MCMBP: variants seen among roughly 807,000 people sequenced by gnomAD.
MCMBP encodes minichromosome maintenance complex binding protein, also known as mini-chromosome maintenance complex-binding protein.
MCMBP carries 31 observed loss-of-function variants against 81.3 expected under a neutral mutation model. The observed-to-expected ratio is 0.38, with a 90% CI of 0.29 to 0.51. The LOEUF (loss-of-function observed/expected upper bound fraction) is 0.51, where lower values mean the gene tolerates loss of function less well. MCMBP is among the 20% of genes least tolerant of loss of function. The probability of loss-of-function intolerance (pLI) is 0.87; values close to 1 mark genes in which losing one functional copy is unlikely to be tolerated. For missense variants in MCMBP, 645 were observed against 772.1 expected (o/e 0.84, Z 1.95); for synonymous variants, 267 against 275.9 (o/e 0.97, Z 0.32).
chr10:119,832,073 G>A lies in MCMBP; in HGVS notation c.1735C>T (p.Arg579Trp), dbSNP rs756675419. The A allele has an allele frequency of 1.2e-6, 2 of 1,612,802 alleles. No homozygotes were observed. Among genetic ancestry groups the A allele is most frequent in the Non-Finnish European group, 8.5e-7 (1 of 1,179,668 alleles). The change falls in exon 15 of 16, where the codon CGG (arginine) becomes TGG (tryptophan). Residue 579 changes from arginine to tryptophan, a missense_variant. Transcript: ENST00000369077. ...KAVEDDFVEM[R>W]KNDPQSITAD... Reference sequence around the variant, plus strand: ...GTGATGCTCTGAGGGTCGTTCTTCCGCATTTCCACAAAGTCATCTTCAACT... The same window carrying A: ...GTGATGCTCTGAGGGTCGTTCTTCCACATTTCCACAAAGTCATCTTCAACT...
intron 12 of MCMBP, 126 bp from the exon 13 acceptor site, chr10:119,837,155 A>C (rs1852276147): frequency 6.4e-6 from 6 of 936,210 alleles, no homozygotes; most frequent in Non-Finnish European, 9.4e-6. Context: ...GGCGCTGTCC[A>C]GTTTACTAAG....
At chr10:119,872,916 G>A (rs148146239), upstream of MCMBP, 1,786 of 152,160 alleles carry the variant, frequency 0.012, 32 homozygotes, top group African/African-American at 0.041. Context: ...GGCGGCGGGA[G>A]CGCGCGGCGC....
intron 1 of MCMBP, among the ~76,000 whole-genome samples, chr10:119,861,293 A>C (rs746325872): frequency 3.9e-5 from 6 of 152,138 alleles, no homozygotes; most frequent in Non-Finnish European, 5.9e-5. Context: ...AGGTGATACT[A>C]ATGTGTAGGC....
In MCMBP at chr10:119,836,888, C is replaced by T; in HGVS notation, c.1542+8G>A. On this transcript the variant is annotated splice_region_variant and intron_variant, in intron 13 of 15. Transcript: ENST00000369077. ...AACCTCCCTCCATTTAAAAATGACT[C>T]ATCATACCGGGAGGAGTGACCTCCC... 1 of 1,563,418 alleles carries T rather than the reference C, an allele frequency of 6.4e-7. No homozygotes were observed. Among genetic ancestry groups the T allele is most frequent in the Non-Finnish European group, 8.7e-7 (1 of 1,148,106 alleles).
intron 1 of MCMBP, among the ~76,000 whole-genome samples, chr10:119,868,618 G>A (rs147863255): frequency 3.9e-5 from 6 of 152,268 alleles, no homozygotes; most frequent in Admixed American, 2.0e-4. Flanking sequence ...CCCTGAATTC[G>A]CGGGGTCAAA....
Position 119,831,594 on chromosome 10 carries a change from C to CA in MCMBP, c.1802dup (p.Ser602ValfsTer38). On this transcript the variant is annotated frameshift_variant, in exon 16 of 16. Transcript: ENST00000369077. LOFTEE classifies it high-confidence loss of function. ...GCGTTGTCTGACCAGCACTGAGAGA[C>CA]AGACACCTGGTTTGAAACACAGAAA... 6.2e-7 allele frequency: 1 copy of CA among 1,613,218 alleles called. No homozygotes were observed. The highest frequency in any genetic ancestry group is 8.5e-7 in the Non-Finnish European group (1 of 1,179,734).
chr10:119,831,333 G>GGT lies in MCMBP; in HGVS notation c.*139_*140dup. 1.1e-6 allele frequency: 1 copy of GGT among 903,882 alleles called. No individual in the cohort carries two copies. The highest frequency in any genetic ancestry group is 1.7e-6 in the Non-Finnish European group (1 of 601,482). 56.0% of individuals were successfully genotyped at this position (903,882 alleles called of 1,614,324 possible). A position where few individuals can be genotyped will look rare whatever the true frequency, so the allele number is the denominator to read the frequency against. ...CTTACTGAATATCATATAAACATCAGGTGTTACCAGGCTTGATTTCAGGAA... is the reference window on the plus strand; with the variant it reads ...CTTACTGAATATCATATAAACATCAGGTGTGTTACCAGGCTTGATTTCAGGAA... On this transcript the variant is annotated 3_prime_UTR_variant, in exon 16 of 16. Coordinates refer to ENST00000369077, the MANE Select transcript of MCMBP (RefSeq NM_001256378.2).
intron 1 of MCMBP, among the ~76,000 whole-genome samples, chr10:119,869,111 A>C (rs1853573763): frequency 6.6e-6 from 1 of 152,216 alleles, no homozygotes; most frequent in South Asian, 2.1e-4. Flanking sequence ...AGCGTCCAGG[A>C]AAGAGACTAC....
rs1048001226 is a variant in MCMBP, at chr10:119,872,614, G to A, written c.-30C>T. 3 of 1,150,160 alleles carry A rather than the reference G, an allele frequency of 2.6e-6. No individual in the cohort carries two copies. The highest frequency in any genetic ancestry group is 4.3e-5 in the South Asian group (1 of 23,466). 71.2% of individuals were successfully genotyped at this position (1,150,160 alleles called of 1,614,324 possible). A position where few individuals can be genotyped will look rare whatever the true frequency, so the allele number is the denominator to read the frequency against. ...CCAGGGGCCGGGGCCGGCGAAGACC[G>A]GGCGGAGGCGATCCGCGGGCCGAGC... On this transcript the variant is annotated 5_prime_UTR_variant, in exon 1 of 16. Transcript: ENST00000369077.
chr10:119,847,800 T>C, intron 7 of MCMBP, 87 bp from the exon 8 acceptor site: 1 of 692,998 alleles, frequency 1.4e-6, no homozygotes, highest in Non-Finnish European at 2.4e-6. Flanking sequence ...CTTGGAATTT[T>C]AGATCAGGAA....
intron 14 of MCMBP, among the ~76,000 whole-genome samples, chr10:119,833,597 A>C (rs1293728106): frequency 1.5e-5 from 2 of 137,058 alleles, no homozygotes; most frequent in African/African-American, 4.9e-5. Flanking sequence ...TGAGCCCAGC[A>C]GTTTAAGGCT....
chr10:119,857,383 A>T lies in MCMBP; in HGVS notation c.384T>A (p.Thr128=), dbSNP rs1853091916. ...CCCCAGGCACCGGAACACAATAGAA[A>T]GTCTGTCTTTCCAAAGTGGTATTTC... ...SPRNTTLERQ[T]FYCVPVPGES... The change falls in exon 5 of 16, where the codon ACT becomes ACA. Residue 128 remains threonine, a synonymous_variant. Coordinates refer to ENST00000369077, the MANE Select transcript of MCMBP (RefSeq NM_001256378.2). The T allele has an allele frequency of 6.2e-7, 1 of 1,611,848 alleles. No individual in the cohort carries two copies. The highest frequency in any genetic ancestry group is 2.2e-5 in the East Asian group (1 of 44,812).
intron 11 of MCMBP, 43 bp from the exon 12 acceptor site, chr10:119,838,743 CTGTTT>C: frequency 4.6e-6 from 7 of 1,530,974 alleles, no homozygotes; most frequent in Admixed American, 1.8e-5. Flanking sequence ...TTAAGTTTCC[CTGTTT>C]TAAGAAAATA....
chr10:119,847,305 G>A (rs1852651497), intron 8 of MCMBP, among the ~76,000 whole-genome samples: 1 of 152,152 alleles, frequency 6.6e-6, no homozygotes. Context: ...TTGTATATTT[G>A]TGGCAAATTT....
chr10:119,838,768 A>C, intron 11 of MCMBP, 68 bp from the exon 12 acceptor site: 1 of 1,368,362 alleles, frequency 7.3e-7, no homozygotes, highest in South Asian at 1.4e-5. Flanking sequence ...ATGTACTTGG[A>C]ATTAAACATT....
At chr10:119,841,611 A>T (rs1442086722) in intron 10 of MCMBP, among the ~76,000 whole-genome samples, 9 of 152,258 alleles carry the variant, frequency 5.9e-5, no homozygotes, top group Admixed American at 2.6e-4. Context: ...AGACCTATGC[A>T]AGGATGTATA....
intron 7 of MCMBP, 138 bp from the exon 8 acceptor site, chr10:119,847,851 A>G: frequency 2.1e-6 from 1 of 478,450 alleles, no homozygotes; most frequent in Non-Finnish European, 3.6e-6. Context: ...AAATTTTTAT[A>G]AATTGAGACC....
chr10:119,842,115 A>C (rs1164885484), intron 10 of MCMBP, among the ~76,000 whole-genome samples: 2 of 152,116 alleles, frequency 1.3e-5, no homozygotes, highest in Non-Finnish European at 2.9e-5. Flanking sequence ...TCCCTATGAG[A>C]ATCTAACTAA....
intron 8 of MCMBP, 42 bp from the exon 9 acceptor site, chr10:119,843,468 T>C (rs1350110248): frequency 1.3e-6 from 2 of 1,579,448 alleles, no homozygotes; most frequent in South Asian, 1.1e-5. Flanking sequence ...GAGACATCAA[T>C]TGCACAGATG....
Sources: gnomAD v4.1 joint callset for allele counts (sites outside exome capture counted in the v4.1 genomes callset) on GRCh38, gnomAD v4.1.1 for gene constraint, MANE v1.5 for transcripts, NCBI Gene and HGNC (gene_info 2026-07-23, HGNC 2026-07-21) for gene names.